Variants in ADGRL2 observed in about 807,000 individuals in gnomAD.
ADGRL2 encodes the protein adhesion G protein-coupled receptor L2.
In ADGRL2, 44 loss-of-function variants were observed where a neutral mutation model predicts 157.4. The observed-to-expected ratio is 0.28, with a 90% CI of 0.22 to 0.36. The LOEUF (loss-of-function observed/expected upper bound fraction) is 0.36. Among genes scored for constraint, ADGRL2 ranks in the 10% least tolerant of loss-of-function variants. The pLI is 1.00. For missense variants in ADGRL2, 1,510 were observed against 1,768.9 expected, an observed-to-expected ratio of 0.85 and a Z score of 2.63; for synonymous variants, 585 against 624.7, an observed-to-expected ratio of 0.94 and a Z score of 0.95.
chr1:81,435,057 T>C (rs2077385388), intron 1 of ADGRL2, among the ~76,000 whole-genome samples: 1 of 152,220 alleles, frequency 6.6e-6, no homozygotes, highest in African/African-American at 2.4e-5. Flanking sequence ...ACATGAATTT[T>C]ATTTTACTTA....
At chr1:81,721,819 T>C in intron 1 of ADGRL2, 1 of 1,001,712 alleles carries the variant, frequency 1.0e-6, no homozygotes, top group Non-Finnish European at 1.6e-6. Flanking sequence ...AAGTACCACC[T>C]GCTACTCAGA....
At chr1:81,698,356 T>C (rs1048879582), upstream of ADGRL2, among the ~76,000 whole-genome samples, 1 of 152,184 alleles carries the variant, frequency 6.6e-6, no homozygotes, top group Non-Finnish European at 1.5e-5. Flanking sequence ...ACATCCTATA[T>C]ATGAAAGAAG....
chr1:81,892,139 A>G (rs781623471), intron 2 of ADGRL2, among the ~76,000 whole-genome samples: 10 of 151,986 alleles, frequency 6.6e-5, no homozygotes, highest in African/African-American at 9.7e-5. Flanking sequence ...CTGCTTTTCA[A>G]ATGAAGAGAT....
chr1:81,878,043 T>C (rs2093887590), intron 2 of ADGRL2, among the ~76,000 whole-genome samples: 1 of 152,176 alleles, frequency 6.6e-6, no homozygotes, highest in African/African-American at 2.4e-5. Flanking sequence ...TATGCAGTTG[T>C]AATGAATAAA....
At chr1:81,485,361 G>A (rs2078478365) in intron 2 of ADGRL2, among the ~76,000 whole-genome samples, 1 of 151,974 alleles carries the variant, frequency 6.6e-6, no homozygotes, top group Non-Finnish European at 1.5e-5. Context: ...GAGTCTCCAT[G>A]TTGCCCCTGT....
At chr1:81,844,538 A>G (rs1258148167) in intron 2 of ADGRL2, among the ~76,000 whole-genome samples, 1 of 152,210 alleles carries the variant, frequency 6.6e-6, no homozygotes. Context: ...GGAGTGTCTT[A>G]CTAAAACTTG....
At chr1:81,930,220 T>A (rs2095199346) in intron 3 of ADGRL2, among the ~76,000 whole-genome samples, 1 of 152,204 alleles carries the variant, frequency 6.6e-6, no homozygotes, top group African/African-American at 2.4e-5. Context: ...AGGGAACATA[T>A]TAATAGTTTG....
chr1:81,554,926 A>G lies in ADGRL2; in HGVS notation c.-247-25950A>G, dbSNP rs533752371. ...CAGGTGTACAATTAGTGAGGGGCAG[A>G]GAGACAGGTGCAAAGCACTAGCCTT... On this transcript the variant is annotated intron_variant, in intron 2 of 24. Coordinates refer to the ADGRL2 transcript ENST00000370721. 9.2e-5 allele frequency among the ~76,000 whole-genome samples: 14 copies of G among 152,180 alleles called. No homozygotes were observed. The South Asian group carries it at 2.9e-3, about 32-fold the overall frequency.
At chr1:81,565,219 A>G (rs964607450) in intron 2 of ADGRL2, among the ~76,000 whole-genome samples, 20 of 152,162 alleles carry the variant, frequency 1.3e-4, no homozygotes, top group Admixed American at 6.6e-4. Context: ...TAGTGCTACT[A>G]TGAAGTTTAA....
chr1:81,389,488 A>C (rs1353868936), intron 1 of ADGRL2, among the ~76,000 whole-genome samples: 2 of 152,222 alleles, frequency 1.3e-5, no homozygotes, highest in Non-Finnish European at 2.9e-5. Context: ...AAAAGTTAAC[A>C]ATAGCATAGA....
chr1:81,470,560 A>G (rs1459665865), intron 2 of ADGRL2, among the ~76,000 whole-genome samples: 6 of 152,206 alleles, frequency 3.9e-5, no homozygotes, highest in African/African-American at 1.4e-4. Flanking sequence ...TTTCTATGAC[A>G]GCTTTTCAAA....
intron 1 of ADGRL2, among the ~76,000 whole-genome samples, chr1:81,331,813 T>C (rs1661286622): frequency 1.3e-5 from 2 of 152,180 alleles, no homozygotes; most frequent in African/African-American, 4.8e-5. Context: ...ATGTAAAATG[T>C]AATATCACAC....
chr1:81,358,598 G>C (rs529463766), intron 1 of ADGRL2, among the ~76,000 whole-genome samples: 1 of 152,234 alleles, frequency 6.6e-6, no homozygotes, highest in Non-Finnish European at 1.5e-5. Context: ...TTCATTTATA[G>C]TTTGATTAAC....
rs143483798 is a variant in ADGRL2 at position 81,596,227 on chromosome 1, G to T, written c.-143+15247G>T. 1,846 of 577,674 alleles carry T rather than the reference G, an allele frequency of 3.2e-3. 53 individuals carry two copies. In the Admixed American group the frequency reaches 0.034, roughly 11 times the overall value. The allele number at this position is 577,674 out of a possible 1,614,324, so 35.8% of individuals were successfully genotyped here. A position where few individuals can be genotyped will look rare whatever the true frequency, so the allele number is the denominator to read the frequency against. ...GTCATCTGCTTAACAATCTCAAAAG[G>T]ACTGTGCAAGTCAATGAGTCGCTTG... On this transcript the variant is annotated intron_variant, in intron 3 of 24. Coordinates refer to the ADGRL2 transcript ENST00000370721.
chr1:81,850,322 C>T (rs548916784), intron 2 of ADGRL2, among the ~76,000 whole-genome samples: 102 of 140,788 alleles, frequency 7.2e-4, no homozygotes, highest in African/African-American at 2.5e-3. Flanking sequence ...TCTTCTTTCT[C>T]CCCCTCCTCC....
At chr1:81,333,900 C>T (rs1047627548) in intron 1 of ADGRL2, among the ~76,000 whole-genome samples, 1 of 152,000 alleles carries the variant, frequency 6.6e-6, no homozygotes, top group Non-Finnish European at 1.5e-5. Context: ...ATGATATTGA[C>T]AAGAGTATGG....
intron 3 of ADGRL2, among the ~76,000 whole-genome samples, chr1:81,658,210 C>T (rs772317290): frequency 1.3e-4 from 20 of 152,178 alleles, no homozygotes; most frequent in Non-Finnish European, 2.8e-4. Context: ...ATTCCCCTGC[C>T]TCAGCCTCCT....
In ADGRL2 at chr1:81,955,922, G is replaced by A. The variant is rs1019404771; in HGVS notation, c.1879G>A (p.Glu627Lys). ...VDNLLRPEAL[E>K]SWKHMNSSEQ... ...CAACCTTCTGAGACCCGAAGCTTTG[G>A]AATCATGGAAACATATGAATTCTTC... The change falls in exon 11 of 24, where the codon GAA becomes AAA. Residue 627 changes from glutamate to lysine, a missense_variant. This residue lies in a region of ADGRL2 where 325 missense variants were observed against 333.2 expected (regional missense o/e 0.98). Transcript: ENST00000686636. The A allele has an allele frequency of 2.5e-6, 4 of 1,604,214 alleles. No homozygotes were observed. Among genetic ancestry groups the A allele is most frequent in the African/African-American group, 2.7e-5 (2 of 74,314 alleles).
chr1:81,404,603 A>G (rs997883014), intron 1 of ADGRL2, among the ~76,000 whole-genome samples: 1 of 152,228 alleles, frequency 6.6e-6, no homozygotes, highest in Non-Finnish European at 1.5e-5. Context: ...ATAAGTATAA[A>G]GCAATGAATA....
Sources: allele counts gnomAD v4.1 joint callset (sites outside exome capture counted in the v4.1 genomes callset), GRCh38; gene constraint gnomAD v4.1.1; regional missense constraint gnomAD v4.1.1; transcripts MANE v1.5; gene names NCBI Gene and HGNC (gene_info 2026-07-23, HGNC 2026-07-21).